CPT1C: variants seen among roughly 807,000 people sequenced by gnomAD.
CPT1C encodes palmitoyl thioesterase CPT1C.
CPT1C carries 61 observed loss-of-function variants against 97.3 expected under a neutral mutation model. The observed-to-expected ratio is 0.63, with a 90% CI of 0.51 to 0.78. CPT1C has a LOEUF of 0.78. Ranked by LOEUF, CPT1C falls within the 30% of genes least tolerant of loss-of-function variation. The pLI is 0.00. For synonymous variants in CPT1C, 469 were observed against 447.2 expected (o/e 1.05, Z -0.61); for missense variants, 975 against 1,065.5 (o/e 0.92, Z 1.18).
rs779707295 is a variant in CPT1C, at chr19:49,692,415, T to A, written c.141+22T>A. 3 of 1,612,962 alleles carry A rather than the reference T, an allele frequency of 1.9e-6. No individual in the cohort carries two copies. The South Asian group carries it at 3.3e-5, about 18-fold the overall frequency. ...CTGGGTGAGGAGCGGTGCTGGTCGG[T>A]TTCCTTCCGGGGATCCAGGTTTCTG... is the stretch of plus-strand genomic sequence containing the variant. On this transcript the variant is annotated intron_variant, in intron 3 of 19. Transcript: ENST00000598293.
Position 49,702,000 on chromosome 19 carries a change from T to TTATAAATAA in CPT1C, c.693+366_693+367insTATAAATAA, listed in dbSNP as rs2083132687. Among the ~76,000 whole-genome samples, 21 of 24,360 alleles carry TTATAAATAA rather than the reference T, an allele frequency of 8.6e-4. 1 individual carries two copies. Among genetic ancestry groups the TTATAAATAA allele is most frequent in the African/African-American group, 2.2e-3 (21 of 9,642 alleles). 16.0% of individuals were successfully genotyped at this position (24,360 alleles called of 152,430 possible). A position where few individuals can be genotyped will look rare whatever the true frequency, so the allele number is the denominator to read the frequency against. On this transcript the variant is annotated intron_variant, in intron 7 of 19. Coordinates refer to ENST00000598293, the MANE Select transcript of CPT1C (RefSeq NM_001199753.2). ...TAAATAAATATATAAATATTATAAA[T>TTATAAATAA]ATATTAAATATATTTATTTATAAAT...
At position 49,710,860 on chromosome 19, in the gene CPT1C, G is replaced by C. The variant is rs1348307396; in HGVS notation, c.1866+3G>C. 5 of 1,610,250 alleles carry C rather than the reference G, an allele frequency of 3.1e-6. No individual in the cohort carries two copies. Among genetic ancestry groups the C allele is most frequent in the Non-Finnish European group, 4.2e-6 (5 of 1,177,186 alleles). On this transcript the variant is annotated splice_donor_region_variant and intron_variant, in intron 16 of 19. Coordinates refer to ENST00000598293, the MANE Select transcript of CPT1C (RefSeq NM_001199753.2). ...CCATGGAGGACAAAGAGAAGACGGT[G>C]GGTGCAGCCCTCGCTTGAGGCTTCA...
At chr19:49,708,151 G>C (rs1183718759) in intron 13 of CPT1C, among the ~76,000 whole-genome samples, 2 of 151,776 alleles carry the variant, frequency 1.3e-5, no homozygotes, top group African/African-American at 4.8e-5. Context: ...GAAGGGAAGT[G>C]ATTTTCCCAG....
chr19:49,712,117 C>T (rs191833047), intron 17 of CPT1C, 156 bp downstream of exon 17: 7 of 896,390 alleles, frequency 7.8e-6, no homozygotes, highest in African/African-American at 1.7e-5. Flanking sequence ...CCGAGGCAGG[C>T]GGATCACTTG....
chr19:49,703,031 A>G (rs929728430), intron 7 of CPT1C, among the ~76,000 whole-genome samples: 1 of 151,764 alleles, frequency 6.6e-6, no homozygotes, highest in African/African-American at 2.4e-5. Context: ...TTTTCTGGTT[A>G]AATATTTTTT....
intron 7 of CPT1C, among the ~76,000 whole-genome samples, chr19:49,702,527 G>A (rs1277149570): frequency 6.6e-6 from 1 of 151,912 alleles, no homozygotes; most frequent in East Asian, 1.9e-4. Flanking sequence ...GGCTGAGGCG[G>A]GAGGATTGCT....
At position 49,692,908 on chromosome 19, in the gene CPT1C, A is replaced by G. The variant is rs555301342; in HGVS notation, c.141+515A>G. Among the ~76,000 whole-genome samples, 203 of 151,974 alleles carry G rather than the reference A, an allele frequency of 1.3e-3. 1 individual carries two copies. The South Asian group carries it at 0.023, about 17-fold the overall frequency. On this transcript the variant is annotated intron_variant, in intron 3 of 19. Coordinates refer to ENST00000598293, the MANE Select transcript of CPT1C (RefSeq NM_001199753.2). ...GCCTGGCTTATTTATTTATTTATTT[A>G]TGAGACAGAGTCTCACTCTGTTGCC... is the stretch of plus-strand genomic sequence containing the variant.
At chr19:49,700,369 C>A (rs1476208919) in intron 4 of CPT1C, among the ~76,000 whole-genome samples, 1 of 152,086 alleles carries the variant, frequency 6.6e-6, no homozygotes, top group Non-Finnish European at 1.5e-5. Context: ...AGGCAGTGCT[C>A]CCAGGAGCCA....
In CPT1C at chr19:49,707,512, TG is replaced by T. The variant is rs1387973037; in HGVS notation, c.1344-5del. The T allele has an allele frequency of 1.4e-5, 22 of 1,612,118 alleles. No individual in the cohort carries two copies. The highest frequency in any genetic ancestry group is 1.9e-5 in the Non-Finnish European group (22 of 1,178,478). On this transcript the variant is annotated splice_region_variant and splice_polypyrimidine_tract_variant and intron_variant, in intron 12 of 19. Transcript: ENST00000598293. ...CTTGGTGACCCATCTGAACTCTCCC[TG>T]ACAGCTGGTTTGACAAATCCTTCAC...
intron 3 of CPT1C, among the ~76,000 whole-genome samples, chr19:49,693,843 G>A (rs1336749060): frequency 6.6e-6 from 1 of 152,066 alleles, no homozygotes; most frequent in African/African-American, 2.4e-5. Flanking sequence ...CGGATCATGA[G>A]GTCAGGAGAT....
Position 49,711,102 on chromosome 19 carries a change from C to CT in CPT1C, c.1866+254dup, listed in dbSNP as rs375635860. On this transcript the variant is annotated intron_variant, in intron 16 of 19. Transcript: ENST00000598293. ...GTGCACCCAAGAAGGAACCCCATTT[C>CT]TTTTTTTTTGAGATGGAGTCTTGCT... 3.0e-3 allele frequency: 1,003 copies of CT among 330,542 alleles called. 2 individuals carry two copies. Among genetic ancestry groups the CT allele is most frequent in the African/African-American group, 0.013 (591 of 46,682 alleles). The allele number at this position is 330,542 out of a possible 1,614,324, so 20.5% of individuals were successfully genotyped here.
At chr19:49,699,584 A>G (rs1201062836) in intron 4 of CPT1C, among the ~76,000 whole-genome samples, 1 of 151,852 alleles carries the variant, frequency 6.6e-6, no homozygotes, top group Admixed American at 6.6e-5. Flanking sequence ...GCAAACAAAC[A>G]TGTTGATTTA....
At chr19:49,711,730 G>A in intron 16 of CPT1C, 79 bp from the exon 17 acceptor site, 12 of 1,452,236 alleles carry the variant, frequency 8.3e-6, no homozygotes, top group Middle Eastern at 2.0e-4. Flanking sequence ...AAACTCAGTT[G>A]AGGCCAGATG....
intron 7 of CPT1C, among the ~76,000 whole-genome samples, chr19:49,703,224 CTT>C: frequency 2.2e-5 from 3 of 138,196 alleles, no homozygotes; most frequent in South Asian, 4.7e-4. Context: ...TCCTTTTTTT[CTT>C]TGAGATGGAG....
chr19:49,693,626 A>C (rs2082475633), intron 3 of CPT1C, among the ~76,000 whole-genome samples: 3 of 152,186 alleles, frequency 2.0e-5, no homozygotes. Context: ...AGCAGATATC[A>C]ACAGACAGAA....
intron 14 of CPT1C, among the ~76,000 whole-genome samples, chr19:49,709,847 C>T (rs1227673856): frequency 3.4e-5 from 5 of 149,246 alleles, no homozygotes; most frequent in Non-Finnish European, 5.9e-5. Flanking sequence ...TGAGCCACCG[C>T]GCCCGGCATT....
At chr19:49,699,815 G>A (rs529620363) in intron 4 of CPT1C, among the ~76,000 whole-genome samples, 26 of 152,184 alleles carry the variant, frequency 1.7e-4, no homozygotes, top group Non-Finnish European at 2.1e-4. Context: ...TTAGCTGGGC[G>A]TGGTGGCGGG....
At chr19:49,693,186 T>C (rs775008807) in intron 3 of CPT1C, among the ~76,000 whole-genome samples, 1 of 152,196 alleles carries the variant, frequency 6.6e-6, no homozygotes, top group Non-Finnish European at 1.5e-5. Flanking sequence ...CCCAAACTCC[T>C]GCTCTGTCCC....
chr19:49,702,628 AAAAAG>A (rs2083243369), intron 7 of CPT1C, among the ~76,000 whole-genome samples: 1 of 144,698 alleles, frequency 6.9e-6, no homozygotes, highest in Admixed American at 6.9e-5. Flanking sequence ...TCAAAAAAAA[AAAAAG>A]AAAAGAAAAA....
Sources: allele counts gnomAD v4.1 joint callset (sites outside exome capture counted in the v4.1 genomes callset), GRCh38; gene constraint gnomAD v4.1.1; transcripts MANE v1.5; gene names NCBI Gene and HGNC (gene_info 2026-07-23, HGNC 2026-07-21).